Variants in SLC27A4 observed in about 807,000 individuals in gnomAD.
The protein encoded by SLC27A4 is long-chain fatty acid transport protein 4.
Under a neutral mutation model 64.4 loss-of-function variants are expected in SLC27A4, and 33 were observed. The ratio of observed to expected loss-of-function variants is 0.51; its 90% CI spans 0.39 to 0.68. The LOEUF is 0.68. Ranked by LOEUF, SLC27A4 falls within the 30% of genes least tolerant of loss-of-function variation. The pLI, the probability that SLC27A4 is intolerant of heterozygous loss-of-function variation, is 0.00. For missense variants in SLC27A4, 824 were observed against 883.5 expected (o/e 0.93, Z 0.85); for synonymous variants, 377 against 370.0 (o/e 1.02, Z -0.22).
chr9:128,340,940 G>T (rs965575998), intron 1 of SLC27A4, 102 bp downstream of exon 1: 3 of 483,740 alleles, frequency 6.2e-6, no homozygotes, highest in Non-Finnish European at 7.5e-6. Flanking sequence ...GCGCCCTGCG[G>T]CGCTATTTCC....
chr9:128,357,093 CAAAAAAA>C (rs1318748501), intron 12 of SLC27A4, among the ~76,000 whole-genome samples: 1 of 94,736 alleles, frequency 1.1e-5, no homozygotes. Flanking sequence ...GACTCCGTCT[CAAAAAAA>C]AAAAAAAAAA....
At chr9:128,350,190 T>C in intron 4 of SLC27A4, 122 bp from the exon 5 acceptor site, 6 of 774,390 alleles carry the variant, frequency 7.7e-6, no homozygotes, top group Non-Finnish European at 1.4e-5. Flanking sequence ...CAGAACAGGC[T>C]TCCTAGCAAG....
chr9:128,351,079 C>A (rs1832729510), intron 6 of SLC27A4, among the ~76,000 whole-genome samples: 1 of 148,658 alleles, frequency 6.7e-6, no homozygotes, highest in African/African-American at 2.5e-5. Context: ...GGCAACAGTA[C>A]AAGACTCTGT....
At chr9:128,359,227 G>A (rs1048314917) in intron 12 of SLC27A4, among the ~76,000 whole-genome samples, 17 of 152,226 alleles carry the variant, frequency 1.1e-4, no homozygotes, top group Non-Finnish European at 1.9e-4. Context: ...GGCAGCTCAT[G>A]TTTGTAATCC....
Position 128,355,490 on chromosome 9 carries a change from A to G in SLC27A4, c.1555A>G (p.Thr519Ala), listed in dbSNP as rs749791442. 4.3e-6 allele frequency: 7 copies of G among 1,613,418 alleles called. No homozygotes were observed. In the South Asian group the frequency reaches 6.6e-5, roughly 15 times the overall value. ...FRWKGENVSTTEVEGTLSRLL... is the reference protein window; with the variant it reads ...FRWKGENVSTAEVEGTLSRLL... ...CTGGAAAGGTGAGAACGTGTCCACC[A>G]CCGAGGTGGAAGGCACACTCAGCCG... Residue 519 changes from threonine (T) to alanine (A), a missense_variant, in exon 11 of 13, where the codon ACC (threonine) becomes GCC (alanine). Coordinates refer to ENST00000300456, the MANE Select transcript of SLC27A4 (RefSeq NM_005094.4).
In SLC27A4 at chr9:128,355,766, C is replaced by T. The variant is rs1588565467; in HGVS notation, c.1744C>T (p.Leu582=). ...GCCCCTGTATGCGCGCCCCATCTTC[C>T]TGCGCCTCCTGCCTGAGCTGCACAA... The part of the protein sequence containing the change: ...ELPLYARPIF[L]RLLPELHKTG... Residue 582 remains leucine, a synonymous_variant, in exon 12 of 13, where the codon CTG becomes TTG. Coordinates refer to ENST00000300456, the MANE Select transcript of SLC27A4 (RefSeq NM_005094.4). The T allele has an allele frequency of 6.2e-7, 1 of 1,613,718 alleles. No individual in the cohort carries two copies. The highest frequency in any genetic ancestry group is 2.2e-5 in the East Asian group (1 of 44,872).
In SLC27A4 at chr9:128,340,810, G is replaced by A; in HGVS notation, c.-35G>A. On this transcript the variant is annotated 5_prime_UTR_variant, in exon 1 of 13. Transcript: ENST00000300456. ...TGCTGCAACCGGGCCGCATCTGGACGGGGCGCCGCGCGGCGGAGCCGACGC... is the reference window on the plus strand; with the variant it reads ...TGCTGCAACCGGGCCGCATCTGGACAGGGCGCCGCGCGGCGGAGCCGACGC... 1.5e-6 allele frequency: 1 copy of A among 686,380 alleles called. No individual in the cohort carries two copies. Among genetic ancestry groups the A allele is most frequent in the Non-Finnish European group, 2.7e-6 (1 of 371,650 alleles). The allele number at this position is 686,380 out of a possible 1,614,324, so 42.5% of individuals were successfully genotyped here. A position where few individuals can be genotyped will look rare whatever the true frequency, so the allele number is the denominator to read the frequency against.
chr9:128,359,730 G>A (rs989870892), intron 12 of SLC27A4, among the ~76,000 whole-genome samples: 9 of 152,164 alleles, frequency 5.9e-5, no homozygotes, highest in Admixed American at 1.3e-4. Flanking sequence ...ACTTGAGGTC[G>A]GCAGGTGGAG....
At chr9:128,352,882 T>A in intron 7 of SLC27A4, 135 bp downstream of exon 7, 1 of 1,061,158 alleles carries the variant, frequency 9.4e-7, no homozygotes, top group Non-Finnish European at 1.4e-6. Context: ...GTTCCCATTG[T>A]TCAGATGGGA....
In SLC27A4 at chr9:128,345,515, A is replaced by G. The variant is rs1675695042; in HGVS notation, c.522A>G (p.Ala174=). 1.9e-6 allele frequency: 3 copies of G among 1,609,484 alleles called. No homozygotes were observed. Among genetic ancestry groups the G allele is most frequent in the African/African-American group, 1.3e-5 (1 of 74,990 alleles). Residue 174 remains alanine, a synonymous_variant, in exon 3 of 13, where the codon GCA becomes GCG. Transcript: ENST00000300456. This position sits in a 1 kb window ranked among gnomAD's most constrained non-coding sequence, Gnocchi z 4.1. ...TCCACTGCCTCACCACCTCGCGCGC[A>G]CGGGCCCTTGTCTTTGGCAGCGAAA... ...ALLHCLTTSR[A]RALVFGSEMA...
At chr9:128,358,341 C>T (rs1832849799) in intron 12 of SLC27A4, among the ~76,000 whole-genome samples, 1 of 152,260 alleles carries the variant, frequency 6.6e-6, no homozygotes, top group South Asian at 2.1e-4. Context: ...TAGCCACTAG[C>T]CTGGCAGAGC....
chr9:128,354,937 G>T (rs1832793533), intron 9 of SLC27A4, 116 bp from the exon 10 acceptor site: 5 of 1,163,134 alleles, frequency 4.3e-6, no homozygotes, highest in South Asian at 1.6e-5. Flanking sequence ...TGGGCAACAA[G>T]AGCAAAACTC....
chr9:128,356,567 G>A (rs1832823213), intron 12 of SLC27A4, among the ~76,000 whole-genome samples: 1 of 152,240 alleles, frequency 6.6e-6, no homozygotes. Flanking sequence ...TGGGTGGGAG[G>A]CCAAGGCGGG....
In SLC27A4 at chr9:128,345,294, C is replaced by T. The variant is rs376775679; in HGVS notation, c.301C>T (p.His101Tyr). 1 of 1,613,866 alleles carries T rather than the reference C, an allele frequency of 6.2e-7. No individual in the cohort carries two copies. The highest frequency in any genetic ancestry group is 1.3e-5 in the African/African-American group (1 of 74,930). ...CCTGATCTTCGAGGGCACAGATACCCACTGGACCTTCCGCCAGCTGGATGA... is the reference window on the plus strand; with the variant it reads ...CCTGATCTTCGAGGGCACAGATACCTACTGGACCTTCCGCCAGCTGGATGA... ...TALIFEGTDT[H>Y]WTFRQLDEYS... The change falls in exon 3 of 13, where the codon CAC (histidine) becomes TAC (tyrosine). Residue 101 changes from histidine (H) to tyrosine (Y), a missense_variant. Coordinates refer to ENST00000300456, the MANE Select transcript of SLC27A4 (RefSeq NM_005094.4). This position sits in a 1 kb window ranked among gnomAD's most constrained non-coding sequence, Gnocchi z 4.1.
chr9:128,353,634 C>A lies in SLC27A4; in HGVS notation c.1324+93C>A. 7.5e-7 allele frequency: 1 copy of A among 1,341,156 alleles called. No individual in the cohort carries two copies. Among genetic ancestry groups the A allele is most frequent in the Non-Finnish European group, 1.0e-6 (1 of 962,000 alleles). 83.1% of individuals were successfully genotyped at this position (1,341,156 alleles called of 1,614,324 possible). On this transcript the variant is annotated intron_variant, in intron 9 of 12. Transcript: ENST00000300456. This position sits in a 1 kb window ranked among gnomAD's most constrained non-coding sequence, Gnocchi z 4.9. ...TGGGGAGCCTTGTTCTGACCAGTGG[C>A]CATCAGTTATCTCTGCTCTTAGGGT...
rs116801627 is a variant in SLC27A4 at position 128,353,251 on chromosome 9, G to A, written c.1197+17G>A. On this transcript the variant is annotated intron_variant, in intron 8 of 12. Coordinates refer to ENST00000300456, the MANE Select transcript of SLC27A4 (RefSeq NM_005094.4). The surrounding 1 kb of genome is among the most constrained non-coding windows in gnomAD (Gnocchi z 4.9). ...GACAGCCAGGTGCGGCCAGGTTGGG[G>A]ATGGGCGAGGCTGCTGCAGGGATGG... The A allele has an allele frequency of 3.1e-4, 495 of 1,613,402 alleles. 4 individuals carry two copies. The African/African-American group carries it at 5.8e-3, about 19-fold the overall frequency.
intron 1 of SLC27A4, among the ~76,000 whole-genome samples, chr9:128,341,205 G>A (rs967313900): frequency 1.8e-4 from 28 of 152,230 alleles, no homozygotes; most frequent in Admixed American, 1.6e-3. Context: ...GGGAGGGGGA[G>A]ATGGTCTCCC....
intron 3 of SLC27A4, among the ~76,000 whole-genome samples, chr9:128,347,879 GA>G (rs112671132): frequency 0.036 from 2,439 of 68,032 alleles, 48 homozygotes; most frequent in African/African-American, 0.1. Context: ...AAAAGCAAAA[GA>G]AAAAAAAAAA....
chr9:128,353,278 C>G lies in SLC27A4; in HGVS notation c.1197+44C>G. ...TGGGCGAGGCTGCTGCAGGGATGGC[C>G]CACAGAAGGCACTGGATGCAGAGGG... On this transcript the variant is annotated intron_variant, in intron 8 of 12. Transcript: ENST00000300456. This position sits in a 1 kb window ranked among gnomAD's most constrained non-coding sequence, Gnocchi z 4.9. 1 of 1,609,802 alleles carries G rather than the reference C, an allele frequency of 6.2e-7. No homozygotes were observed. Among genetic ancestry groups the G allele is most frequent in the East Asian group, 2.2e-5 (1 of 44,862 alleles).
Sources: allele counts gnomAD v4.1 joint callset (sites outside exome capture counted in the v4.1 genomes callset), GRCh38; gene constraint gnomAD v4.1.1; non-coding constraint Gnocchi (gnomAD v3.1); transcripts MANE v1.5; gene names NCBI Gene and HGNC (gene_info 2026-07-23, HGNC 2026-07-21).